The following SERINC2 variants were observed in gnomAD, a reference collection of about 807,000 sequenced individuals.
The protein encoded by SERINC2 is tumor differentially expressed protein 2.
A neutral mutation model predicts 54.2 loss-of-function variants in SERINC2; 56 were observed. The observed-to-expected ratio is 1.03, with a 90% CI of 0.83 to 1.29. The LOEUF (loss-of-function observed/expected upper bound fraction) is 1.29, where lower values mean the gene tolerates loss of function less well. SERINC2 is among the 50% of genes most tolerant of loss of function. The probability of loss-of-function intolerance (pLI) is 0.00; values close to 1 mark genes in which losing one functional copy is unlikely to be tolerated. For missense variants in SERINC2, 614 were observed against 607.4 expected (o/e 1.01, Z -0.12); for synonymous variants, 272 against 253.1 (o/e 1.07, Z -0.71).
At chr1:31,432,119 T>TGGAGAGAG (rs1557501382) in intron 8 of SERINC2, among the ~76,000 whole-genome samples, 2 of 9,726 alleles carry the variant, frequency 2.1e-4, no homozygotes, top group Non-Finnish European at 3.7e-4. Flanking sequence ...GATAGGGTGG[T>TGGAGAGAG]TAGGGTGGAT....
intron 3 of SERINC2, 51 bp downstream of exon 3, chr1:31,424,924 C>A: frequency 4.0e-6 from 6 of 1,487,954 alleles, no homozygotes; most frequent in Non-Finnish European, 5.5e-6. Context: ...CAGTGCCTTG[C>A]CCGCTCCTCT....
At chr1:31,423,638 G>A in intron 1 of SERINC2, 55 bp from the exon 2 acceptor site, 5 of 1,570,056 alleles carry the variant, frequency 3.2e-6, no homozygotes, top group Non-Finnish European at 3.4e-6. Context: ...GGTGGTGAGA[G>A]GTGCGCGCTT....
Position 31,432,963 on chromosome 1 carries a change from G to A in SERINC2, c.1014-4G>A. ...ATTTGCCCACCTTCCTCCCTCCCCTGCAGTCTGCGCTCCTCAGACCACCGG... is the reference window on the plus strand; with the variant it reads ...ATTTGCCCACCTTCCTCCCTCCCCTACAGTCTGCGCTCCTCAGACCACCGG... On this transcript the variant is annotated splice_polypyrimidine_tract_variant and splice_region_variant and intron_variant, in intron 8 of 9. Transcript: ENST00000373709. 2 of 1,605,242 alleles carry A rather than the reference G, an allele frequency of 1.2e-6. No homozygotes were observed. The highest frequency in any genetic ancestry group is 1.7e-6 in the Non-Finnish European group (2 of 1,176,520).
At chr1:31,428,584 G>A (rs1015220222) in intron 6 of SERINC2, among the ~76,000 whole-genome samples, 1 of 152,128 alleles carries the variant, frequency 6.6e-6, no homozygotes, top group Non-Finnish European at 1.5e-5. Context: ...CTGCCTGTGC[G>A]GAGATGCTGG....
chr1:31,428,411 AG>A (rs1181581701), intron 6 of SERINC2, among the ~76,000 whole-genome samples: 2 of 152,172 alleles, frequency 1.3e-5, no homozygotes, highest in African/African-American at 2.4e-5. Context: ...GGGGAAGGAC[AG>A]GCAACAGGGG....
chr1:31,413,908 T>TCCCG lies in SERINC2; in HGVS notation c.39+605_39+606insCCGC. 5.4e-6 allele frequency: 8 copies of TCCCG among 1,472,082 alleles called. No homozygotes were observed. The South Asian group carries it at 1.1e-4, about 20-fold the overall frequency. 91.2% of individuals were successfully genotyped at this position (1,472,082 alleles called of 1,614,324 possible). The stretch of plus-strand genomic sequence containing the variant: ...GTCTGCCCGTCCGCCCGTCCGTCCC[T>TCCCG]CAGTCTCTCTGCGGTCCCTTTACCG... On this transcript the variant is annotated intron_variant, in intron 1 of 9. Coordinates refer to ENST00000373709, the MANE Select transcript of SERINC2 (RefSeq NM_178865.5). The surrounding 1 kb of genome is among the most constrained non-coding windows in gnomAD (Gnocchi z 5.0).
At position 31,432,102 on chromosome 1, in the gene SERINC2, CAGGGTGGAT is replaced by C. The variant is rs1641286003; in HGVS notation, c.1014-857_1014-849del. Among the ~76,000 whole-genome samples the C allele has an allele frequency of 3.3e-3, 43 of 13,114 alleles. 2 individuals carry two copies. The highest frequency in any genetic ancestry group is 3.8e-3 in the Non-Finnish European group (28 of 7,280). 8.6% of individuals were successfully genotyped at this position (13,114 alleles called of 152,430 possible). A position where few individuals can be genotyped will look rare whatever the true frequency, so the allele number is the denominator to read the frequency against. On this transcript the variant is annotated intron_variant, in intron 8 of 9. Coordinates refer to ENST00000373709, the MANE Select transcript of SERINC2 (RefSeq NM_178865.5). ...GGGTGGTTAGGGTGGACAGGGTGGA[CAGGGTGGAT>C]AGGGTGGTTAGGGTGGATAGGGTGG...
At chr1:31,423,194 G>T (rs782459288) in intron 1 of SERINC2, among the ~76,000 whole-genome samples, 6 of 152,202 alleles carry the variant, frequency 3.9e-5, no homozygotes, top group Non-Finnish European at 8.8e-5. Context: ...CAGAAGTCCC[G>T]CGGGGAAAAA....
At position 31,426,759 on chromosome 1, in the gene SERINC2, T is replaced by A. The variant is rs782322922; in HGVS notation, c.716T>A (p.Phe239Tyr). 1.2e-6 allele frequency: 2 copies of A among 1,614,056 alleles called. No homozygotes were observed. The highest frequency in any genetic ancestry group is 2.7e-5 in the African/African-American group (2 of 74,942). The change falls in exon 6 of 10, where the codon TTC becomes TAC. Residue 239 changes from phenylalanine (F) to tyrosine (Y), a missense_variant. Physicochemically the swap from Phe to Tyr is conservative, Grantham distance 22 (BLOSUM62 3). Coordinates refer to ENST00000373709, the MANE Select transcript of SERINC2 (RefSeq NM_178865.5). ...AGCGGCTGCCACGAGGGCAAGGTCT[T>A]CATCAGCCTCAACCTCACCTTCTGT... ...EPSGCHEGKV[F>Y]ISLNLTFCVC...
intron 5 of SERINC2, 151 bp from the exon 6 acceptor site, chr1:31,426,503 T>G: frequency 1.7e-6 from 1 of 591,854 alleles, no homozygotes; most frequent in Non-Finnish European, 3.0e-6. Flanking sequence ...CTCACAAAGG[T>G]GTTGGTGAAA....
chr1:31,420,001 C>T (rs1640868125), intron 1 of SERINC2, among the ~76,000 whole-genome samples: 1 of 132,868 alleles, frequency 7.5e-6, no homozygotes, highest in Admixed American at 7.6e-5. Context: ...AGAACGAGAT[C>T]CTGTCTCAAA....
At chr1:31,432,230 G>GGGTGGAGAGGGTGGAGAGGGTGGTTA (rs1553134789) in intron 8 of SERINC2, among the ~76,000 whole-genome samples, 1 of 151,578 alleles carries the variant, frequency 6.6e-6, no homozygotes, top group Non-Finnish European at 1.5e-5. Context: ...AGGGTGGATA[G>GGGTGGAGAGGGTGGAGAGGGTGGTTA]GGACCCACTG....
intron 9 of SERINC2, 29 bp from the exon 10 acceptor site, chr1:31,434,035 A>G (rs11587589): frequency 0.95 from 1,537,243 of 1,609,960 alleles, 737,448 homozygotes; most frequent in Non-Finnish European, 0.98. Flanking sequence ...ACTGGGCACC[A>G]GGCTCATGGG....
At chr1:31,412,615 G>T (rs146054887), upstream of SERINC2, among the ~76,000 whole-genome samples, 2,495 of 152,282 alleles carry the variant, frequency 0.016, 76 homozygotes, top group African/African-American at 0.056. Context: ...GCTGCAGTGA[G>T]CTATGTTTGC....
At chr1:31,432,942 G>T in intron 8 of SERINC2, 25 bp from the exon 9 acceptor site, 1 of 1,570,102 alleles carries the variant, frequency 6.4e-7, no homozygotes, top group Non-Finnish European at 8.7e-7. Flanking sequence ...CTATCTATTT[G>T]CCCACCTTCC....
chr1:31,432,083 T>TAGGGTGGATAGGGTGGA (rs1557501056), intron 8 of SERINC2, among the ~76,000 whole-genome samples: 6 of 19,394 alleles, frequency 3.1e-4, no homozygotes, highest in Non-Finnish European at 2.9e-4. Flanking sequence ...GACAGGGTGG[T>TAGGGTGGATAGGGTGGA]TAGGGTGGAC....
chr1:31,427,570 T>C (rs1641079049), intron 6 of SERINC2, among the ~76,000 whole-genome samples: 1 of 152,148 alleles, frequency 6.6e-6, no homozygotes, highest in African/African-American at 2.4e-5. Flanking sequence ...CTTGAGCACT[T>C]CCTGTGTACC....
chr1:31,433,994 T>C (rs1641394809), intron 9 of SERINC2, 70 bp from the exon 10 acceptor site: 2 of 1,536,398 alleles, frequency 1.3e-6, no homozygotes, highest in African/African-American at 2.7e-5. Flanking sequence ...AACTGGGACA[T>C]AAGGCCAGGG....
intron 1 of SERINC2, among the ~76,000 whole-genome samples, chr1:31,416,767 C>A (rs902060382): frequency 6.6e-6 from 1 of 152,160 alleles, no homozygotes; most frequent in African/African-American, 2.4e-5. Flanking sequence ...GTTGTCCAGA[C>A]TGGAGTGCAG....
Sources: gnomAD v4.1 joint callset for allele counts (sites outside exome capture counted in the v4.1 genomes callset) on GRCh38, gnomAD v4.1.1 for gene constraint, Gnocchi (gnomAD v3.1) non-coding constraint, MANE v1.5 for transcripts, NCBI Gene and HGNC (gene_info 2026-07-23, HGNC 2026-07-21) for gene names.